The following HSF5 variants were observed in gnomAD, a reference collection of about 807,000 sequenced individuals.
HSF5 encodes heat shock transcription factor 5, also known as heat shock factor protein 5.
HSF5 carries 5 observed loss-of-function variants against 50.8 expected under a neutral mutation model. The ratio of observed to expected loss-of-function variants is 0.10; its 90% CI spans 0.05 to 0.21. HSF5 has a LOEUF of 0.21. HSF5 is among the 10% of genes least tolerant of loss of function. The pLI is 1.00. For synonymous variants in HSF5, 307 were observed against 307.4 expected (o/e 1.00, Z 0.02); for missense variants, 564 against 762.6 (o/e 0.74, Z 3.07).
Position 58,458,809 on chromosome 17 carries a change from T to G in HSF5, c.1679A>C (p.Tyr560Ser). ...EDTGLATPAR[Y>S]REHRSNSQQG... ...TTGTGAGTTGCTTCTGTGCTCTCTGTATCTGGCTGGAGTGGCTAAACCTGT... is the reference window on the plus strand; with the variant it reads ...TTGTGAGTTGCTTCTGTGCTCTCTGGATCTGGCTGGAGTGGCTAAACCTGT... Residue 560 changes from tyrosine to serine, a missense_variant, in exon 5 of 6, where the codon TAC becomes TCC. Tyr to Ser is a moderately radical substitution (Grantham distance 144). This residue lies in a region of HSF5 where 441 missense variants were observed against 533.6 expected (regional missense o/e 0.83). Transcript: ENST00000323777. The G allele has an allele frequency of 6.2e-7, 1 of 1,614,032 alleles. No individual in the cohort carries two copies. The highest frequency in any genetic ancestry group is 8.5e-7 in the Non-Finnish European group (1 of 1,179,960).
chr17:58,476,838 T>A (rs1217731374), intron 2 of HSF5: 2 of 1,514,950 alleles, frequency 1.3e-6, no homozygotes, highest in East Asian at 2.3e-5. Flanking sequence ...TCATTTTGGA[T>A]TTCATCAATG....
At chr17:58,437,591 G>A (rs1434941792) in intron 5 of HSF5, among the ~76,000 whole-genome samples, 6 of 152,010 alleles carry the variant, frequency 3.9e-5, no homozygotes, top group Admixed American at 2.0e-4. Context: ...CAGCTATATC[G>A]TATATCTCCA....
At chr17:58,474,425 C>T (rs1312032828) in intron 2 of HSF5, among the ~76,000 whole-genome samples, 1 of 151,964 alleles carries the variant, frequency 6.6e-6, no homozygotes, top group African/African-American at 2.4e-5. Flanking sequence ...TTAAAGAAGA[C>T]AAAACAAAAA....
intron 5 of HSF5, among the ~76,000 whole-genome samples, chr17:58,445,510 G>A (rs957590249): frequency 6.6e-6 from 1 of 152,156 alleles, no homozygotes; most frequent in African/African-American, 2.4e-5. Context: ...TGTCTATTAA[G>A]AAATGAATAA....
chr17:58,470,850 C>T (rs1404105180), intron 2 of HSF5, among the ~76,000 whole-genome samples: 1 of 152,012 alleles, frequency 6.6e-6, no homozygotes, highest in Non-Finnish European at 1.5e-5. Flanking sequence ...CACTTGAATC[C>T]GGGAGGCAGA....
At chr17:58,486,327 T>A (rs2143815233) in intron 1 of HSF5, among the ~76,000 whole-genome samples, 2 of 152,298 alleles carry the variant, frequency 1.3e-5, no homozygotes, top group East Asian at 3.9e-4. Flanking sequence ...ATCGCGCCAT[T>A]GCACTCCAGC....
chr17:58,467,299 AG>A (rs1974880440), intron 2 of HSF5, among the ~76,000 whole-genome samples: 1 of 152,236 alleles, frequency 6.6e-6, no homozygotes, highest in African/African-American at 2.4e-5. Flanking sequence ...TTGAAAATAG[AG>A]GAATATATTG....
At chr17:58,423,583 G>C (rs1197353563) in intron 5 of HSF5, among the ~76,000 whole-genome samples, 1 of 149,304 alleles carries the variant, frequency 6.7e-6, no homozygotes, top group South Asian at 2.1e-4. Flanking sequence ...GGGTTCATGC[G>C]ATTCTCCTGC....
At chr17:58,475,963 A>T (rs1031715337) in intron 2 of HSF5, among the ~76,000 whole-genome samples, 1 of 152,128 alleles carries the variant, frequency 6.6e-6, no homozygotes, top group African/African-American at 2.4e-5. Context: ...ATTTCCCCCC[A>T]AATAAGTTGA....
intron 2 of HSF5, among the ~76,000 whole-genome samples, chr17:58,467,297 AGAGG>A (rs1974880369): frequency 6.6e-6 from 1 of 152,240 alleles, no homozygotes; most frequent in Admixed American, 6.5e-5. Flanking sequence ...TATTGAAAAT[AGAGG>A]AATATATTGA....
chr17:58,478,489 A>AG (rs2143804054), intron 2 of HSF5, among the ~76,000 whole-genome samples: 1 of 136,208 alleles, frequency 7.3e-6, no homozygotes, highest in East Asian at 2.0e-4. Context: ...AAAAAAAAAA[A>AG]AGAAAAGAAA....
intron 5 of HSF5, among the ~76,000 whole-genome samples, chr17:58,450,087 G>C (rs1301316379): frequency 6.7e-6 from 1 of 149,236 alleles, no homozygotes; most frequent in Non-Finnish European, 1.5e-5. Context: ...TGTAATCCTA[G>C]CACTGTGGGA....
chr17:58,468,038 G>A (rs934641708), intron 2 of HSF5, among the ~76,000 whole-genome samples: 2 of 152,130 alleles, frequency 1.3e-5, no homozygotes, highest in African/African-American at 4.8e-5. Context: ...TAAGTAATTT[G>A]CCAAAAGTCA....
At chr17:58,460,510 C>CACAT (rs61690847) in intron 4 of HSF5, among the ~76,000 whole-genome samples, 31,558 of 136,988 alleles carry the variant, frequency 0.23, 3,813 homozygotes, top group East Asian at 0.4. Flanking sequence ...CACACACACA[C>CACAT]ATACTTTTTT....
chr17:58,423,715 G>A (rs1018766320), intron 5 of HSF5, among the ~76,000 whole-genome samples: 32 of 151,934 alleles, frequency 2.1e-4, no homozygotes, highest in African/African-American at 6.3e-4. Context: ...TCCTGACCTC[G>A]TGATCTGCCC....
rs1974620153 is a variant in HSF5, at chr17:58,450,333, T to C, written c.1720+8435A>G. On this transcript the variant is annotated intron_variant, in intron 5 of 5. Coordinates refer to ENST00000323777, the MANE Select transcript of HSF5 (RefSeq NM_001080439.3). ...CAGCCTGGGTGAGAGAGTGAGACTT[T>C]GTCTCAAAAAAAAAAAAAAAAAAAA... Among the ~76,000 whole-genome samples, 10 of 100,650 alleles carry C rather than the reference T, an allele frequency of 9.9e-5. 1 individual carries two copies. The highest frequency in any genetic ancestry group is 9.6e-4 in the Admixed American group (9 of 9,410). 66.0% of individuals were successfully genotyped at this position (100,650 alleles called of 152,430 possible).
intron 5 of HSF5, among the ~76,000 whole-genome samples, chr17:58,432,240 T>C (rs1974374225): frequency 3.3e-5 from 5 of 151,820 alleles, no homozygotes; most frequent in Admixed American, 2.0e-4. Flanking sequence ...GATACAACAA[T>C]GGGTAAAACA....
chr17:58,427,794 A>G (rs1388861734), intron 5 of HSF5, among the ~76,000 whole-genome samples: 1 of 152,260 alleles, frequency 6.6e-6, no homozygotes, highest in African/African-American at 2.4e-5. Flanking sequence ...TTCTCTGCCC[A>G]TCAATGATCA....
chr17:58,452,549 C>T (rs918313509), intron 5 of HSF5, among the ~76,000 whole-genome samples: 1 of 152,042 alleles, frequency 6.6e-6, no homozygotes, highest in Non-Finnish European at 1.5e-5. Flanking sequence ...GTGGCTCATG[C>T]CTGTAATCGC....
Sources: allele counts gnomAD v4.1 joint callset (sites outside exome capture counted in the v4.1 genomes callset), GRCh38; gene constraint gnomAD v4.1.1; regional missense constraint gnomAD v4.1.1; transcripts MANE v1.5; gene names NCBI Gene and HGNC (gene_info 2026-07-23, HGNC 2026-07-21).